The following GNPNAT1 variants were observed in gnomAD, a reference collection of about 807,000 sequenced individuals.
GNPNAT1 encodes glucosamine 6-phosphate N-acetyltransferase.
In GNPNAT1, 11 loss-of-function variants were observed where a neutral mutation model predicts 19.8. The observed-to-expected ratio is 0.56, with a 90% confidence interval of 0.35 to 0.92. GNPNAT1 has a LOEUF of 0.92. Among genes scored for constraint, GNPNAT1 ranks in the 40% least tolerant of loss-of-function variants. The pLI is 0.01. For missense variants in GNPNAT1, 157 were observed against 211.0 expected (o/e 0.74, Z 1.59); for synonymous variants, 71 against 72.3 (o/e 0.98, Z 0.09).
Position 52,777,255 on chromosome 14 carries a change from A to G in GNPNAT1, c.*1056T>C, listed in dbSNP as rs1882756847. On this transcript the variant is annotated 3_prime_UTR_variant, in exon 6 of 6. Transcript: ENST00000216410. ...AAAGCACAGATGTGATTCTAACAGA[A>G]GACTACTCATATAAACAGGTTTAAT... 1 of 152,662 alleles carries G rather than the reference A, an allele frequency of 6.6e-6. No homozygotes were observed. Among genetic ancestry groups the G allele is most frequent in the Non-Finnish European group, 1.5e-5 (1 of 68,052 alleles). 9.5% of individuals were successfully genotyped at this position (152,662 alleles called of 1,614,324 possible).
At chr14:52,784,691 C>G in intron 1 of GNPNAT1, 27 bp from the exon 2 acceptor site, 2 of 1,000,124 alleles carry the variant, frequency 2.0e-6, no homozygotes, top group Non-Finnish European at 2.9e-6. Flanking sequence ...AATATTAAGT[C>G]ACTTTATTTA....
intron 5 of GNPNAT1, among the ~76,000 whole-genome samples, chr14:52,778,919 G>T (rs1047124883): frequency 8.5e-5 from 13 of 152,086 alleles, no homozygotes; most frequent in African/African-American, 3.1e-4. Flanking sequence ...AGAGGCTGAG[G>T]GGGGAAGATC....
At chr14:52,779,859 A>C (rs1339762969) in intron 5 of GNPNAT1, among the ~76,000 whole-genome samples, 1 of 151,860 alleles carries the variant, frequency 6.6e-6, no homozygotes, top group Non-Finnish European at 1.5e-5. Context: ...AATATTTGTT[A>C]ATTCCTTAAA....
rs1244431052 is a variant in GNPNAT1, at chr14:52,775,943, TGAG to T, written c.*2365_*2367del. 2 of 152,306 alleles carry T rather than the reference TGAG, an allele frequency of 1.3e-5. No homozygotes were observed. Among genetic ancestry groups the T allele is most frequent in the African/African-American group, 4.8e-5 (2 of 41,444 alleles). The allele number at this position is 152,306 out of a possible 1,614,324, so 9.4% of individuals were successfully genotyped here. A position where few individuals can be genotyped will look rare whatever the true frequency, so the allele number is the denominator to read the frequency against. ...CTGTCATCCAAGCACTTTGGGAGGC[TGAG>T]GTGGGAGGATCACTTGAGCCTAGGA... On this transcript the variant is annotated 3_prime_UTR_variant, in exon 6 of 6. Coordinates refer to ENST00000216410, the MANE Select transcript of GNPNAT1 (RefSeq NM_198066.4).
rs1883159512 is a variant in GNPNAT1, at chr14:52,791,008, G to A, written c.-15+420C>T. ...AGCTGCCTCAATGGCTCCGACCACC[G>A]TGGGATGCGCCCGGGAATGGGAGAA... is the stretch of plus-strand genomic sequence containing the variant. On this transcript the variant is annotated intron_variant, in intron 1 of 5. Transcript: ENST00000216410. This position sits in a 1 kb window ranked among gnomAD's most constrained non-coding sequence, Gnocchi z 4.1. Among the ~76,000 whole-genome samples the A allele has an allele frequency of 6.6e-6, 1 of 152,100 alleles. No homozygotes were observed. Among genetic ancestry groups the A allele is most frequent in the African/African-American group, 2.4e-5 (1 of 41,414 alleles).
At position 52,780,664 on chromosome 14, in the gene GNPNAT1, T is replaced by C. The variant is rs767781255; in HGVS notation, c.407+15A>G. 10 of 1,565,228 alleles carry C rather than the reference T, an allele frequency of 6.4e-6. No homozygotes were observed. In the East Asian group the frequency reaches 1.8e-4, roughly 28 times the overall value. On this transcript the variant is annotated intron_variant, in intron 5 of 5. Transcript: ENST00000216410. ...ACAAAATTTATCCAGGGTTACCTTG[T>C]TTCTGCCTACTTACAATTTGCCAAG...
At chr14:52,789,986 C>CAA (rs200756037) in intron 1 of GNPNAT1, among the ~76,000 whole-genome samples, 83 of 107,138 alleles carry the variant, frequency 7.7e-4, no homozygotes, top group Middle Eastern at 5.0e-3. Flanking sequence ...TCCAGAAGGA[C>CAA]AAAAAAAAAA....
At chr14:52,779,119 A>G (rs545706802) in intron 5 of GNPNAT1, among the ~76,000 whole-genome samples, 26 of 152,358 alleles carry the variant, frequency 1.7e-4, no homozygotes, top group Non-Finnish European at 2.8e-4. Context: ...ATTTAAATCT[A>G]TTTAAACAAC....
chr14:52,784,436 CATA>C, intron 2 of GNPNAT1, 58 bp downstream of exon 2: 5 of 1,309,496 alleles, frequency 3.8e-6, no homozygotes, highest in Non-Finnish European at 5.1e-6. Context: ...TTATCTGCAT[CATA>C]ATGTTTAGAG....
intron 2 of GNPNAT1, 25 bp downstream of exon 2, chr14:52,784,471 AT>A (rs778796555): frequency 6.7e-7 from 1 of 1,502,106 alleles, no homozygotes; most frequent in Non-Finnish European, 8.9e-7. Flanking sequence ...GCTAACTCTA[AT>A]TTTACACAGG....
chr14:52,788,409 C>G (rs1172798365), intron 1 of GNPNAT1, among the ~76,000 whole-genome samples: 1 of 152,196 alleles, frequency 6.6e-6, no homozygotes, highest in Admixed American at 6.5e-5. Context: ...TCTGGAATTA[C>G]AAGTGTGAAC....
At chr14:52,783,283 C>A (rs899043107) in intron 3 of GNPNAT1, 140 bp downstream of exon 3, 2 of 578,152 alleles carry the variant, frequency 3.5e-6, no homozygotes, top group Admixed American at 3.6e-5. Flanking sequence ...CCACATTAAA[C>A]ATTTGTATAA....
intron 4 of GNPNAT1, among the ~76,000 whole-genome samples, chr14:52,781,067 G>C (rs147848193): frequency 3.3e-5 from 5 of 152,212 alleles, no homozygotes; most frequent in Admixed American, 6.5e-5. Context: ...ATAATTTAAA[G>C]ATGTTTTTAC....
chr14:52,784,005 T>TTCA (rs1428964767), intron 2 of GNPNAT1, among the ~76,000 whole-genome samples: 7 of 152,290 alleles, frequency 4.6e-5, no homozygotes, highest in Middle Eastern at 3.4e-3. Flanking sequence ...CACTCAATAA[T>TTCA]TAGGCCAAAA....
At position 52,784,551 on chromosome 14, in the gene GNPNAT1, G is replaced by T; in HGVS notation, c.100C>A (p.His34Asn). Residue 34 changes from histidine to asparagine, a missense_variant, in exon 2 of 6, where the codon CAT becomes AAT. Transcript: ENST00000216410. ...ATFSPAISPTHPGEGLVLRPL... is the reference protein window; with the variant it reads ...ATFSPAISPTNPGEGLVLRPL... ...CTCAAAACCAAGCCTTCTCCAGGAT[G>T]TGTTGGGGAAATGGCTGGAGAAAAT... is the stretch of plus-strand genomic sequence containing the variant. 6.2e-7 allele frequency: 1 copy of T among 1,609,476 alleles called. No homozygotes were observed. Among genetic ancestry groups the T allele is most frequent in the Non-Finnish European group, 8.5e-7 (1 of 1,178,044 alleles).
At chr14:52,779,685 T>C (rs1413360338) in intron 5 of GNPNAT1, among the ~76,000 whole-genome samples, 1 of 122,532 alleles carries the variant, frequency 8.2e-6, no homozygotes, top group African/African-American at 3.2e-5. Context: ...CGTACCACTG[T>C]ATACTCCAGC....
At chr14:52,785,781 C>G (rs1265292496) in intron 1 of GNPNAT1, among the ~76,000 whole-genome samples, 12 of 147,138 alleles carry the variant, frequency 8.2e-5, no homozygotes, top group Non-Finnish European at 1.5e-4. Flanking sequence ...GAGTTTCGCT[C>G]TTATTGCCCA....
intron 4 of GNPNAT1, among the ~76,000 whole-genome samples, chr14:52,781,366 C>G (rs1313552272): frequency 2.0e-5 from 3 of 152,010 alleles, no homozygotes; most frequent in African/African-American, 7.2e-5. Context: ...TTCTCTCCCT[C>G]TTTTTTTATT....
chr14:52,789,695 C>A (rs1165717825), intron 1 of GNPNAT1, among the ~76,000 whole-genome samples: 1 of 152,084 alleles, frequency 6.6e-6, no homozygotes, highest in African/African-American at 2.4e-5. Context: ...TATAAATAAT[C>A]TTTTAGCATC....
Sources: gnomAD v4.1 joint callset for allele counts (sites outside exome capture counted in the v4.1 genomes callset) on GRCh38, gnomAD v4.1.1 for gene constraint, Gnocchi (gnomAD v3.1) non-coding constraint, MANE v1.5 for transcripts, NCBI Gene and HGNC (gene_info 2026-07-23, HGNC 2026-07-21) for gene names.